DLGAP2: variants seen among roughly 807,000 people sequenced by gnomAD.
DLGAP2 encodes the protein DLG associated protein 2.
In DLGAP2, 26 loss-of-function variants were observed where a neutral mutation model predicts 100.3. The ratio of observed to expected loss-of-function variants is 0.26; its 90% CI spans 0.19 to 0.36. The LOEUF (loss-of-function observed/expected upper bound fraction) is 0.36. Ranked by LOEUF, DLGAP2 falls within the 10% of genes least tolerant of loss-of-function variation. The pLI is 1.00. For synonymous variants in DLGAP2, 886 were observed against 630.1 expected (o/e 1.41, Z -6.08); for missense variants, 1,858 against 1,453.2 (o/e 1.28, Z -4.53).
chr8:1,242,062 G>C (rs996080555), intron 2 of DLGAP2, among the ~76,000 whole-genome samples: 9 of 152,270 alleles, frequency 5.9e-5, no homozygotes, highest in African/African-American at 1.9e-4. Flanking sequence ...AGTATAATTT[G>C]GTATAACGGG....
At chr8:1,289,081 C>G (rs143904414) in intron 3 of DLGAP2, among the ~76,000 whole-genome samples, 1 of 152,170 alleles carries the variant, frequency 6.6e-6, no homozygotes, top group Admixed American at 6.5e-5. Context: ...TGTCTGGGAA[C>G]TGGCAATGCT....
intron 2 of DLGAP2, among the ~76,000 whole-genome samples, chr8:1,246,230 G>A (rs949589005): frequency 6.6e-6 from 1 of 152,172 alleles, no homozygotes; most frequent in South Asian, 2.1e-4. Context: ...ATAAATTAAG[G>A]TGAGAACGCA....
chr8:946,487 T>C (rs951596199), intron 2 of DLGAP2, among the ~76,000 whole-genome samples: 3 of 152,232 alleles, frequency 2.0e-5, no homozygotes, highest in Non-Finnish European at 4.4e-5. Flanking sequence ...ATGGTCTCGA[T>C]CTCCTGACCT....
chr8:960,966 A>C (rs2129009942), intron 2 of DLGAP2, among the ~76,000 whole-genome samples: 1 of 152,358 alleles, frequency 6.6e-6, no homozygotes, highest in Non-Finnish European at 1.5e-5. Context: ...GATTCCAAAA[A>C]GTAATTGTGC....
chr8:1,344,923 G>C (rs541346873), intron 3 of DLGAP2, among the ~76,000 whole-genome samples: 19 of 152,210 alleles, frequency 1.2e-4, no homozygotes, highest in Non-Finnish European at 2.5e-4. Context: ...CAAAGGACAG[G>C]GTCTTGGTGA....
At chr8:832,904 T>G (rs1453981136) in intron 1 of DLGAP2, among the ~76,000 whole-genome samples, 1 of 152,260 alleles carries the variant, frequency 6.6e-6, no homozygotes, top group East Asian at 1.9e-4. Flanking sequence ...CTCTTCCTCT[T>G]GGGAGTCAGT....
chr8:1,507,320 C>A (rs981508209), intron 4 of DLGAP2, among the ~76,000 whole-genome samples: 1 of 151,630 alleles, frequency 6.6e-6, no homozygotes, highest in African/African-American at 2.4e-5. Context: ...AGCTGAGGCC[C>A]GGGGAGATTT....
intron 10 of DLGAP2, among the ~76,000 whole-genome samples, chr8:1,671,180 A>G (rs1450114839): frequency 6.6e-6 from 1 of 152,126 alleles, no homozygotes; most frequent in African/African-American, 2.4e-5. Context: ...ACTCCACTCC[A>G]CCCCTCTCTG....
At chr8:1,268,878 A>G (rs1799523012) in intron 3 of DLGAP2, among the ~76,000 whole-genome samples, 2 of 152,232 alleles carry the variant, frequency 1.3e-5, no homozygotes, top group Admixed American at 1.3e-4. Flanking sequence ...TATTTGACTT[A>G]GACCTTCAGG....
intron 2 of DLGAP2, among the ~76,000 whole-genome samples, chr8:1,241,742 G>T (rs550650205): frequency 9.6e-5 from 4 of 41,724 alleles, no homozygotes; most frequent in African/African-American, 4.5e-4. Context: ...ATATGTAAGT[G>T]GTGAAAAAAA....
chr8:968,468 C>G (rs1234051695), intron 2 of DLGAP2, among the ~76,000 whole-genome samples: 1 of 152,162 alleles, frequency 6.6e-6, no homozygotes, highest in Admixed American at 6.5e-5. Flanking sequence ...TGCTCCCTGC[C>G]CACATTCCTC....
intron 2 of DLGAP2, among the ~76,000 whole-genome samples, chr8:1,167,981 T>G (rs747754602): frequency 1.3e-5 from 2 of 151,216 alleles, no homozygotes; most frequent in African/African-American, 4.9e-5. Context: ...GCTGCACCCA[T>G]TAACTCGTCA....
intron 3 of DLGAP2, among the ~76,000 whole-genome samples, chr8:1,485,677 C>T (rs1166843992): frequency 2.0e-5 from 3 of 152,198 alleles, no homozygotes; most frequent in African/African-American, 4.8e-5. Flanking sequence ...GCTGCCCCTA[C>T]TTGACAGAGG....
rs147442669 is a variant in DLGAP2 at position 1,065,497 on chromosome 8, C to T, written c.73+157531C>T. 1.6e-3 allele frequency among the ~76,000 whole-genome samples: 251 copies of T among 152,308 alleles called. 1 individual carries two copies. Among genetic ancestry groups the T allele is most frequent in the Middle Eastern group, 0.014 (4 of 294 alleles). On this transcript the variant is annotated intron_variant, in intron 2 of 14. Coordinates refer to ENST00000637795, the MANE Select transcript of DLGAP2 (RefSeq NM_001346810.2). ...CTGTCTCTTATCACACAACACGGAG[C>T]GTTTTGCTTGTAACTCTGTGGTTGG...
At chr8:1,088,423 C>T (rs1453273661) in intron 2 of DLGAP2, among the ~76,000 whole-genome samples, 2 of 152,134 alleles carry the variant, frequency 1.3e-5, no homozygotes, top group East Asian at 3.9e-4. Flanking sequence ...GGCTGATTTC[C>T]ATCTTCTATG....
chr8:759,952 C>T (rs141687612), intron 1 of DLGAP2, among the ~76,000 whole-genome samples: 35 of 152,334 alleles, frequency 2.3e-4, no homozygotes, highest in Admixed American at 4.6e-4. Flanking sequence ...TCTCATTTCG[C>T]TTCCACCACC....
intron 2 of DLGAP2, among the ~76,000 whole-genome samples, chr8:1,174,700 A>G (rs1797215826): frequency 7.6e-6 from 1 of 132,448 alleles, no homozygotes; most frequent in African/African-American, 4.1e-5. Flanking sequence ...TACCATCACC[A>G]CCACTATCAC....
chr8:1,626,406 TACCCTGCAGC>T (rs1173717495), intron 6 of DLGAP2, among the ~76,000 whole-genome samples: 8 of 123,346 alleles, frequency 6.5e-5, no homozygotes, highest in African/African-American at 2.7e-4. Flanking sequence ...TTCCCATCTC[TACCCTGCAGC>T]GGGTGCTCAC....
chr8:971,139 G>A (rs938680295), intron 2 of DLGAP2, among the ~76,000 whole-genome samples: 5 of 152,082 alleles, frequency 3.3e-5, no homozygotes, highest in Admixed American at 6.6e-5. Context: ...TTGTGGTTTC[G>A]AGGACACCAT....
Sources: allele counts gnomAD v4.1 joint callset (sites outside exome capture counted in the v4.1 genomes callset), GRCh38; gene constraint gnomAD v4.1.1; transcripts MANE v1.5; gene names NCBI Gene and HGNC (gene_info 2026-07-23, HGNC 2026-07-21).